GPM6A: variants seen among roughly 807,000 people sequenced by gnomAD.
The protein encoded by GPM6A is glycoprotein M6A.
GPM6A carries 7 observed loss-of-function variants against 32.1 expected under a neutral mutation model. That is an observed-to-expected ratio of 0.22 (90% CI 0.12 to 0.41). The LOEUF (loss-of-function observed/expected upper bound fraction) is 0.41. Among genes scored for constraint, GPM6A ranks in the 10% least tolerant of loss-of-function variants. GPM6A has a pLI of 1.00. For missense variants in GPM6A, 235 were observed against 347.2 expected (o/e 0.68, Z 2.57); for synonymous variants, 130 against 123.4 (o/e 1.05, Z -0.35).
chr4:175,698,196 A>G (rs981171831), intron 2 of GPM6A, among the ~76,000 whole-genome samples: 3 of 152,158 alleles, frequency 2.0e-5, no homozygotes, highest in Admixed American at 2.0e-4. Flanking sequence ...GGCAACTGGA[A>G]CTGGTTTTAT....
intron 1 of GPM6A, among the ~76,000 whole-genome samples, chr4:175,889,807 C>T (rs1004917301): frequency 1.3e-5 from 2 of 151,098 alleles, no homozygotes; most frequent in African/African-American, 4.9e-5. Context: ...AGCGAGACTC[C>T]GTCTCAAACA....
chr4:175,860,334 C>T (rs1736536857), intron 1 of GPM6A, among the ~76,000 whole-genome samples: 1 of 151,640 alleles, frequency 6.6e-6, no homozygotes, highest in Admixed American at 6.6e-5. Context: ...GGAAAATACA[C>T]AAATTACCAA....
intron 1 of GPM6A, among the ~76,000 whole-genome samples, chr4:175,992,060 G>GCACACACA (rs1554007513): frequency 7.3e-6 from 1 of 137,062 alleles, no homozygotes; most frequent in Non-Finnish European, 1.6e-5. Context: ...AAACACACAT[G>GCACACACA]CACACACACA....
intron 1 of GPM6A, among the ~76,000 whole-genome samples, chr4:175,856,179 TA>T (rs1406984877): frequency 6.6e-6 from 1 of 152,190 alleles, no homozygotes; most frequent in African/African-American, 2.4e-5. Context: ...AATCACTGGG[TA>T]AAAAACTAAG....
chr4:175,961,742 A>C (rs1740171015), intron 1 of GPM6A, among the ~76,000 whole-genome samples: 1 of 152,094 alleles, frequency 6.6e-6, no homozygotes, highest in Admixed American at 6.6e-5. Context: ...AAAACACCAG[A>C]GCTTTCTGTT....
intron 1 of GPM6A, among the ~76,000 whole-genome samples, chr4:175,896,245 T>G (rs10017793): frequency 0.58 from 88,047 of 151,838 alleles, 25,718 homozygotes; most frequent in East Asian, 0.75. Context: ...TCCCACATCG[T>G]TCTGCTTTGG....
chr4:175,817,949 G>A (rs747545632), intron 1 of GPM6A, among the ~76,000 whole-genome samples: 1 of 152,198 alleles, frequency 6.6e-6, no homozygotes, highest in South Asian at 2.1e-4. Flanking sequence ...CCTAAAGGTA[G>A]ACAATGGCAA....
At chr4:175,979,374 G>T (rs1740756523) in intron 1 of GPM6A, among the ~76,000 whole-genome samples, 1 of 152,196 alleles carries the variant, frequency 6.6e-6, no homozygotes, top group Admixed American at 6.5e-5. Context: ...CCGTTCTTAA[G>T]TTCAGCAGCC....
chr4:175,914,342 G>C (rs1301402465), intron 1 of GPM6A, among the ~76,000 whole-genome samples: 1 of 152,160 alleles, frequency 6.6e-6, no homozygotes, highest in Non-Finnish European at 1.5e-5. Context: ...TTGTTTTTGA[G>C]ACAGAGTCTC....
chr4:175,875,925 C>T (rs1737071137), intron 1 of GPM6A, among the ~76,000 whole-genome samples: 1 of 151,962 alleles, frequency 6.6e-6, no homozygotes, highest in Non-Finnish European at 1.5e-5. Context: ...TAAATCTTGT[C>T]TTGGTAATTA....
At chr4:175,637,698 TTATATATTA>T (rs1687129524) in intron 6 of GPM6A, among the ~76,000 whole-genome samples, 1 of 1,778 alleles carries the variant, frequency 5.6e-4, no homozygotes, top group East Asian at 7.7e-3. Flanking sequence ...ATATAATATA[TTATATATTA>T]TATATATTTA....
At chr4:175,973,425 G>A (rs1289964489) in intron 1 of GPM6A, among the ~76,000 whole-genome samples, 3 of 152,204 alleles carry the variant, frequency 2.0e-5, no homozygotes, top group Non-Finnish European at 2.9e-5. Flanking sequence ...CTCCTTTGAG[G>A]TGGTCAAATT....
rs562919609 is a variant in GPM6A at position 175,825,464 on chromosome 4, C to A, written c.-22-13215G>T. 9.2e-5 allele frequency among the ~76,000 whole-genome samples: 14 copies of A among 152,126 alleles called. No individual in the cohort carries two copies. In the East Asian group the frequency reaches 2.3e-3, roughly 25 times the overall value. On this transcript the variant is annotated intron_variant, in intron 1 of 7. Coordinates refer to the GPM6A transcript ENST00000280187. ...GAACACATATACTGGGTCCTCGCTC[C>A]CATGGTCTTTAGATTTCAGAAGAGG...
chr4:175,749,828 C>T (rs930981088), intron 1 of GPM6A, among the ~76,000 whole-genome samples: 3 of 152,212 alleles, frequency 2.0e-5, no homozygotes, highest in Non-Finnish European at 2.9e-5. Context: ...TGACAACTTC[C>T]CCACAACTGA....
chr4:175,812,491 C>T, upstream of GPM6A: 2 of 1,205,642 alleles, frequency 1.7e-6, no homozygotes, highest in Non-Finnish European at 2.1e-6. Flanking sequence ...CTTCTCAAAG[C>T]TGCCCATTGT....
At chr4:175,909,207 T>C (rs1738237290) in intron 1 of GPM6A, among the ~76,000 whole-genome samples, 1 of 152,022 alleles carries the variant, frequency 6.6e-6, no homozygotes, top group South Asian at 2.1e-4. Flanking sequence ...GATTATGTGA[T>C]AACAGAGAAA....
chr4:175,699,831 C>T (rs1455253815), intron 2 of GPM6A, among the ~76,000 whole-genome samples: 6 of 152,070 alleles, frequency 3.9e-5, no homozygotes, highest in Admixed American at 6.6e-5. Context: ...TGTCCACCCA[C>T]CCCCCAAAAC....
chr4:175,886,755 A>G (rs867115258), intron 1 of GPM6A, among the ~76,000 whole-genome samples: 1 of 151,200 alleles, frequency 6.6e-6, no homozygotes, highest in African/African-American at 2.4e-5. Context: ...ACACACACAC[A>G]CAAACACACA....
chr4:175,968,658 T>C (rs1436042900), intron 1 of GPM6A, among the ~76,000 whole-genome samples: 1 of 152,132 alleles, frequency 6.6e-6, no homozygotes, highest in Non-Finnish European at 1.5e-5. Context: ...ATAGAGATTA[T>C]AGATTATCAT....
Sources: allele counts gnomAD v4.1 joint callset (sites outside exome capture counted in the v4.1 genomes callset), GRCh38; gene constraint gnomAD v4.1.1; transcripts MANE v1.5; gene names NCBI Gene and HGNC (gene_info 2026-07-23, HGNC 2026-07-21).